The following AHI1 variants were observed in gnomAD, a reference collection of about 807,000 sequenced individuals.
AHI1 encodes the protein Abelson helper integration site 1.
Under a neutral mutation model 149.3 loss-of-function variants are expected in AHI1, and 123 were observed. The ratio of observed to expected loss-of-function variants is 0.82; its 90% CI spans 0.71 to 0.96. AHI1 has a LOEUF of 0.96. AHI1 is among the 40% of genes least tolerant of loss of function. AHI1 has a pLI of 0.00. For missense variants in AHI1, 1,439 were observed against 1,422.7 expected (o/e 1.01, Z -0.18); for synonymous variants, 475 against 459.8 (o/e 1.03, Z -0.42).
At chr6:135,477,629 G>A (rs80089992) in intron 5 of AHI1, among the ~76,000 whole-genome samples, 3,653 of 152,106 alleles carry the variant, frequency 0.024, 64 homozygotes, top group East Asian at 0.055. Flanking sequence ...AGATCTGATT[G>A]CTTGAAAGTG....
At chr6:135,463,415 C>A in intron 7 of AHI1, 109 bp from the exon 8 acceptor site, 1 of 919,330 alleles carries the variant, frequency 1.1e-6, no homozygotes, top group South Asian at 2.4e-5. Flanking sequence ...ATCCTAAAAT[C>A]ACTATTATTG....
At chr6:135,324,265 C>T (rs1451972358) in intron 24 of AHI1, among the ~76,000 whole-genome samples, 2 of 151,992 alleles carry the variant, frequency 1.3e-5, no homozygotes, top group Non-Finnish European at 2.9e-5. Context: ...GGTTTGGAGG[C>T]TGCAGTGAGC....
chr6:135,394,870 T>C lies in AHI1; in HGVS notation c.3015A>G (p.Ser1005=), dbSNP rs41287054. 35,379 of 1,601,256 alleles carry C rather than the reference T, an allele frequency of 0.022. 479 individuals carry two copies. The highest frequency in any genetic ancestry group is 0.026 in the Non-Finnish European group (30,026 of 1,172,860). The change falls in exon 23 of 29, where the codon TCA becomes TCG. Residue 1005 remains serine (S), a synonymous_variant. Transcript: ENST00000265602. ...ACTGTTGTGAGGAAACTGCTGGTGG[T>C]GAAGTAAATGAGAGATTTTTGTTGA... ...AKVNKNLSFT[S]PPAVSSQQSK...
At chr6:135,438,828 T>C (rs1785816290) in intron 14 of AHI1, among the ~76,000 whole-genome samples, 2 of 152,184 alleles carry the variant, frequency 1.3e-5, no homozygotes, top group Non-Finnish European at 2.9e-5. Context: ...TTATATTCTA[T>C]AATTTAGGCT....
At chr6:135,449,506 C>T (rs1440224014) in intron 11 of AHI1, among the ~76,000 whole-genome samples, 2 of 152,180 alleles carry the variant, frequency 1.3e-5, no homozygotes, top group Non-Finnish European at 2.9e-5. Context: ...CCCTTTGCAA[C>T]AGTTCACACA....
chr6:135,381,065 A>G (rs1003041583), intron 23 of AHI1, among the ~76,000 whole-genome samples: 1 of 152,200 alleles, frequency 6.6e-6, no homozygotes, highest in Admixed American at 6.5e-5. Context: ...GTGCATTTAT[A>G]TCTGCCTTTT....
intron 23 of AHI1, among the ~76,000 whole-genome samples, chr6:135,390,907 C>G (rs1456385965): frequency 6.6e-6 from 1 of 152,102 alleles, no homozygotes. Flanking sequence ...ACTAGAAAAG[C>G]ATGGAAACAG....
intron 23 of AHI1, chr6:135,387,840 T>C: frequency 1.4e-6 from 2 of 1,458,078 alleles, no homozygotes; most frequent in Non-Finnish European, 1.8e-6. Context: ...ATTAAATGTA[T>C]TGTGTTGATT....
chr6:135,345,349 C>T (rs184664747), intron 24 of AHI1, among the ~76,000 whole-genome samples: 9 of 152,226 alleles, frequency 5.9e-5, no homozygotes, highest in African/African-American at 1.9e-4. Flanking sequence ...GGAAAACTTA[C>T]GTCCATGCAA....
At chr6:135,292,904 A>T (rs1015192777) in intron 27 of AHI1, among the ~76,000 whole-genome samples, 2 of 152,232 alleles carry the variant, frequency 1.3e-5, no homozygotes, top group African/African-American at 4.8e-5. Flanking sequence ...CCATGAAGCC[A>T]GCATTATCTC....
At chr6:135,392,225 C>T (rs1364476314) in intron 23 of AHI1, among the ~76,000 whole-genome samples, 2 of 152,062 alleles carry the variant, frequency 1.3e-5, no homozygotes, top group Non-Finnish European at 2.9e-5. Context: ...AAATAGATGG[C>T]CTTAAACAAG....
At chr6:135,350,668 A>G (rs1388976014) in intron 24 of AHI1, among the ~76,000 whole-genome samples, 1 of 152,218 alleles carries the variant, frequency 6.6e-6, no homozygotes, top group East Asian at 1.9e-4. Context: ...GGTCTTTTGA[A>G]AAGTTAACAT....
rs187471878 is a variant in AHI1, at chr6:135,431,162, C to A, written c.2373+46G>T. 6.9e-6 allele frequency: 9 copies of A among 1,308,354 alleles called. No homozygotes were observed. In the African/African-American group the frequency reaches 1.3e-4, roughly 19 times the overall value. The allele number at this position is 1,308,354 out of a possible 1,614,324, so 81.0% of individuals were successfully genotyped here. A position where few individuals can be genotyped will look rare whatever the true frequency, so the allele number is the denominator to read the frequency against. On this transcript the variant is annotated intron_variant, in intron 17 of 28. Coordinates refer to ENST00000265602, the MANE Select transcript of AHI1 (RefSeq NM_001134831.2). Reference sequence around the variant, plus strand: ...CTTAAAGTCATGTGATTGGATTTTTCCAACTTCTTTAATTAAATCCCAAAA... The same window carrying A: ...CTTAAAGTCATGTGATTGGATTTTTACAACTTCTTTAATTAAATCCCAAAA...
At chr6:135,304,227 T>C (rs761117357) in intron 26 of AHI1, among the ~76,000 whole-genome samples, 3 of 152,012 alleles carry the variant, frequency 2.0e-5, no homozygotes, top group Non-Finnish European at 4.4e-5. Flanking sequence ...ATTTTTTTGA[T>C]TTTTTAGTAG....
chr6:135,407,776 G>C (rs1005894142), intron 21 of AHI1, among the ~76,000 whole-genome samples: 2 of 152,098 alleles, frequency 1.3e-5, no homozygotes, highest in Non-Finnish European at 2.9e-5. Context: ...ACTTTGGGAG[G>C]CCGAGGTGGG....
At chr6:135,496,521 T>A (rs1795987748) in intron 2 of AHI1, among the ~76,000 whole-genome samples, 1 of 152,230 alleles carries the variant, frequency 6.6e-6, no homozygotes, top group Non-Finnish European at 1.5e-5. Context: ...AAAAGACACC[T>A]CTGATTCTTA....
Position 135,285,392 on chromosome 6 carries a change from TA to T in AHI1, c.*252del, listed in dbSNP as rs1781561283. ...GGTAATGTAATTATGATGCAATTAC[TA>T]ACAATATAAGTACCAATACTTTGAC... On this transcript the variant is annotated 3_prime_UTR_variant, in exon 29 of 29. Transcript: ENST00000265602. 3 of 532,096 alleles carry T rather than the reference TA, an allele frequency of 5.6e-6. 1 individual carries two copies. In the Admixed American group the frequency reaches 1.0e-4, roughly 18 times the overall value. The allele number at this position is 532,096 out of a possible 1,614,324, so 33.0% of individuals were successfully genotyped here. A position where few individuals can be genotyped will look rare whatever the true frequency, so the allele number is the denominator to read the frequency against.
At chr6:135,403,396 T>C (rs910095975) in intron 22 of AHI1, among the ~76,000 whole-genome samples, 1 of 152,188 alleles carries the variant, frequency 6.6e-6, no homozygotes, top group Non-Finnish European at 1.5e-5. Flanking sequence ...CACTGATTCA[T>C]TTCCAAATTA....
intron 24 of AHI1, among the ~76,000 whole-genome samples, chr6:135,353,628 A>T (rs1164887314): frequency 6.6e-6 from 1 of 152,138 alleles, no homozygotes; most frequent in Non-Finnish European, 1.5e-5. Context: ...AATGATAACA[A>T]TCTAACAACA....
Sources: gnomAD v4.1 joint callset for allele counts (sites outside exome capture counted in the v4.1 genomes callset) on GRCh38, gnomAD v4.1.1 for gene constraint, MANE v1.5 for transcripts, NCBI Gene and HGNC (gene_info 2026-07-23, HGNC 2026-07-21) for gene names.